MGLL: variants seen among roughly 807,000 people sequenced by gnomAD.
MGLL encodes lysophospholipase homolog.
A neutral mutation model predicts 29.1 loss-of-function variants in MGLL; 7 were observed. The ratio of observed to expected loss-of-function variants is 0.24; its 90% CI spans 0.14 to 0.45. MGLL has a LOEUF of 0.45. Among genes scored for constraint, MGLL ranks in the 20% least tolerant of loss-of-function variants. The pLI is 0.99. For synonymous variants in MGLL, 148 were observed against 168.3 expected (o/e 0.88, Z 0.93); for missense variants, 356 against 413.6 (o/e 0.86, Z 1.21).
intron 7 of MGLL, among the ~76,000 whole-genome samples, chr3:127,694,313 GTGTGTATATA>G (rs2075309789): frequency 4.2e-5 from 4 of 95,078 alleles, no homozygotes; most frequent in Non-Finnish European, 9.1e-5. Context: ...ATATATGTAT[GTGTGTATATA>G]TATATGTGTA....
intron 3 of MGLL, among the ~76,000 whole-genome samples, chr3:127,751,198 A>G (rs867590587): frequency 7.2e-5 from 11 of 152,228 alleles, no homozygotes; most frequent in Admixed American, 5.2e-4. Context: ...GCTCTCGGTC[A>G]TTCGGTAGGC....
At chr3:127,753,168 C>T (rs953237380) in intron 3 of MGLL, among the ~76,000 whole-genome samples, 11 of 152,120 alleles carry the variant, frequency 7.2e-5, no homozygotes, top group African/African-American at 9.7e-5. Flanking sequence ...AGAGAAGTAA[C>T]GACACAGGGA....
At chr3:127,751,846 G>A (rs1372570032) in intron 3 of MGLL, among the ~76,000 whole-genome samples, 1 of 152,210 alleles carries the variant, frequency 6.6e-6, no homozygotes, top group Non-Finnish European at 1.5e-5. Flanking sequence ...GGCCAAAAGG[G>A]TGGCTCTACC....
chr3:127,710,543 A>T (rs1310911283), intron 6 of MGLL, 33 bp downstream of exon 6: 22 of 1,500,792 alleles, frequency 1.5e-5, no homozygotes, highest in Non-Finnish European at 2.0e-5. Flanking sequence ...GCAGCCACCC[A>T]AGCTACCCCT....
chr3:127,716,934 C>T (rs1052250501), intron 5 of MGLL, among the ~76,000 whole-genome samples: 3 of 152,204 alleles, frequency 2.0e-5, no homozygotes, highest in Non-Finnish European at 4.4e-5. Context: ...GCCCCTTTCC[C>T]AGTGACCCTT....
At chr3:127,786,772 T>C (rs569074878) in intron 2 of MGLL, among the ~76,000 whole-genome samples, 93 of 152,290 alleles carry the variant, frequency 6.1e-4, no homozygotes, top group Admixed American at 1.5e-3. Flanking sequence ...GAGAGCAATG[T>C]CGCGAGGTAA....
chr3:127,696,314 T>TAGC (rs1245904620), intron 6 of MGLL, among the ~76,000 whole-genome samples: 3 of 148,286 alleles, frequency 2.0e-5, no homozygotes, highest in Non-Finnish European at 4.5e-5. Context: ...CTGATCTCTC[T>TAGC]AGCATCTGCC....
chr3:127,703,655 A>G (rs2075543061), intron 6 of MGLL, among the ~76,000 whole-genome samples: 1 of 152,212 alleles, frequency 6.6e-6, no homozygotes, highest in African/African-American at 2.4e-5. Context: ...CTTCTTGGAT[A>G]TGACACCAAA....
At position 127,690,540 on chromosome 3, in the gene MGLL, A is replaced by T. The variant is rs778566884; in HGVS notation, c.*1658T>A. On this transcript the variant is annotated 3_prime_UTR_variant, in exon 8 of 8. Transcript: ENST00000265052. Reference sequence around the variant, plus strand: ...GAACAGGGCCTGGGAGAGCAGTGGCAGTTCCCGCTGCTGGAGGAAGAAGGG... The same window carrying T: ...GAACAGGGCCTGGGAGAGCAGTGGCTGTTCCCGCTGCTGGAGGAAGAAGGG... 1.3e-5 allele frequency: 2 copies of T among 152,732 alleles called. No individual in the cohort carries two copies. Among genetic ancestry groups the T allele is most frequent in the Non-Finnish European group, 2.9e-5 (2 of 68,154 alleles). The allele number at this position is 152,732 out of a possible 1,614,324, so 9.5% of individuals were successfully genotyped here.
At position 127,747,093 on chromosome 3, in the gene MGLL, C is replaced by T. The variant is rs513561; in HGVS notation, c.263-24527G>A. Among the ~76,000 whole-genome samples, 1,463 of 152,294 alleles carry T rather than the reference C, an allele frequency of 9.6e-3. 26 individuals are homozygous for T. The highest frequency in any genetic ancestry group is 0.033 in the African/African-American group (1,380 of 41,548). On this transcript the variant is annotated intron_variant, in intron 3 of 7. Coordinates refer to ENST00000265052, the MANE Select transcript of MGLL (RefSeq NM_007283.7). ...CCCTTCTCTTGTACTGTGTCTCTGT[C>T]CCTCCACTTAAGTGGACATAAGGAG...
chr3:127,733,079 G>A lies in MGLL; in HGVS notation c.263-10513C>T, dbSNP rs116251566. 4.9e-3 allele frequency among the ~76,000 whole-genome samples: 739 copies of A among 152,282 alleles called. 7 individuals carry two copies. Among genetic ancestry groups the A allele is most frequent in the African/African-American group, 0.017 (705 of 41,532 alleles). ...TATTCTAAGTCACAGGGTGAGATAG[G>A]AGCTTGGCACAAGATACAGGCCATA... On this transcript the variant is annotated intron_variant, in intron 3 of 7. Coordinates refer to ENST00000265052, the MANE Select transcript of MGLL (RefSeq NM_007283.7).
At chr3:127,718,030 A>AAACAC (rs2075849188) in intron 5 of MGLL, among the ~76,000 whole-genome samples, 1 of 152,184 alleles carries the variant, frequency 6.6e-6, no homozygotes. Context: ...GGGCCCCCCC[A>AAACAC]TCCATCCTCA....
intron 2 of MGLL, among the ~76,000 whole-genome samples, chr3:127,792,848 T>C (rs2077324256): frequency 1.3e-5 from 2 of 152,188 alleles, no homozygotes; most frequent in Non-Finnish European, 2.9e-5. Flanking sequence ...CATGCAAAGC[T>C]ATGCGGGCCC....
At chr3:127,724,877 T>G (rs1279176518) in intron 3 of MGLL, among the ~76,000 whole-genome samples, 2 of 152,108 alleles carry the variant, frequency 1.3e-5, no homozygotes, top group Admixed American at 1.3e-4. Context: ...TATCACTCAT[T>G]TTTTTGAAAA....
At chr3:127,791,201 TTTCAGTATGAGCTTTC>T (rs1177602507) in intron 2 of MGLL, 3 of 152,378 alleles carry the variant, frequency 2.0e-5, no homozygotes, top group South Asian at 4.1e-4. Flanking sequence ...GAGCTTTACC[TTTCAGTATGAGCTTTC>T]TTCAGATCAT....
chr3:127,785,107 C>T (rs2077190733), intron 2 of MGLL, among the ~76,000 whole-genome samples: 1 of 152,164 alleles, frequency 6.6e-6, no homozygotes, highest in East Asian at 1.9e-4. Flanking sequence ...GGAAGCCCGC[C>T]TGTGCTGTGC....
intron 2 of MGLL, among the ~76,000 whole-genome samples, chr3:127,783,629 C>T (rs1490508395): frequency 6.6e-6 from 1 of 152,224 alleles, no homozygotes; most frequent in Non-Finnish European, 1.5e-5. Context: ...CATTTAGCCC[C>T]ATTTTTCAAA....
At chr3:127,735,748 C>T in intron 3 of MGLL, 1 of 1,598,394 alleles carries the variant, frequency 6.3e-7, no homozygotes, top group Non-Finnish European at 8.5e-7. Flanking sequence ...TCCCCGCCTT[C>T]TCCCATTCCC....
chr3:127,749,739 G>A (rs987077584), intron 3 of MGLL, among the ~76,000 whole-genome samples: 2 of 152,130 alleles, frequency 1.3e-5, no homozygotes, highest in African/African-American at 2.4e-5. Context: ...AATCTAAAGC[G>A]AGTCTGACCA....
Sources: gnomAD v4.1 joint callset for allele counts (sites outside exome capture counted in the v4.1 genomes callset) on GRCh38, gnomAD v4.1.1 for gene constraint, MANE v1.5 for transcripts, NCBI Gene and HGNC (gene_info 2026-07-23, HGNC 2026-07-21) for gene names.